SNRNP40: variants seen among roughly 807,000 people sequenced by gnomAD.
SNRNP40 encodes the protein small nuclear ribonucleoprotein U5 subunit 40.
SNRNP40 carries 21 observed loss-of-function variants against 45.8 expected under a neutral mutation model. That is an observed-to-expected ratio of 0.46 (90% CI 0.32 to 0.66). The LOEUF is 0.66. SNRNP40 is among the 30% of genes least tolerant of loss of function. The pLI, the probability that SNRNP40 is intolerant of heterozygous loss-of-function variation, is 0.03. For missense variants in SNRNP40, 344 were observed against 439.1 expected, an observed-to-expected ratio of 0.78 and a Z score of 1.94; for synonymous variants, 142 against 163.8, an observed-to-expected ratio of 0.87 and a Z score of 1.01.
At chr1:31,261,950 A>G (rs1484895593) in intron 8 of SNRNP40, 1 of 209,020 alleles carries the variant, frequency 4.8e-6, no homozygotes, top group Non-Finnish European at 9.7e-6. Flanking sequence ...AACCTTTTTC[A>G]GAGTGTCTAG....
chr1:31,285,190 T>C (rs1646048570), intron 4 of SNRNP40, among the ~76,000 whole-genome samples: 1 of 152,072 alleles, frequency 6.6e-6, no homozygotes, highest in African/African-American at 2.4e-5. Context: ...AAAGAACACT[T>C]TTTTTGGTCT....
At chr1:31,266,604 T>G (rs1374368113) in intron 8 of SNRNP40, among the ~76,000 whole-genome samples, 1 of 152,232 alleles carries the variant, frequency 6.6e-6, no homozygotes, top group Non-Finnish European at 1.5e-5. Flanking sequence ...TGAGCCAGTT[T>G]AGATTCGTAT....
At chr1:31,270,093 G>A (rs1645927265) in intron 6 of SNRNP40, among the ~76,000 whole-genome samples, 1 of 152,076 alleles carries the variant, frequency 6.6e-6, no homozygotes, top group Admixed American at 6.5e-5. Context: ...AGTAGAGATG[G>A]GGTTTCACCA....
intron 5 of SNRNP40, among the ~76,000 whole-genome samples, chr1:31,274,954 T>C (rs1002732236): frequency 2.6e-5 from 4 of 152,140 alleles, no homozygotes; most frequent in African/African-American, 9.7e-5. Flanking sequence ...GAGAAACAAA[T>C]AAAAACCAGG....
chr1:31,269,627 T>C (rs1645923432), intron 6 of SNRNP40: 1 of 353,768 alleles, frequency 2.8e-6, no homozygotes. Flanking sequence ...ACAATGAACT[T>C]ATAAAAGCCA....
Position 31,296,094 on chromosome 1 carries a change from C to T in SNRNP40, c.141+517G>A, listed in dbSNP as rs138370567. 1.3e-3 allele frequency among the ~76,000 whole-genome samples: 198 copies of T among 152,230 alleles called. 1 individual carries two copies. Among genetic ancestry groups the T allele is most frequent in the African/African-American group, 4.6e-3 (192 of 41,528 alleles). On this transcript the variant is annotated intron_variant, in intron 1 of 9. Transcript: ENST00000263694. ...TAATAACGTTCCTAACAGGCTGCTA[C>T]CAAGATCAATGGAAATTTCATATAC...
At chr1:31,274,000 G>T (rs1010952637) in intron 5 of SNRNP40, among the ~76,000 whole-genome samples, 1 of 151,864 alleles carries the variant, frequency 6.6e-6, no homozygotes, top group Non-Finnish European at 1.5e-5. Context: ...AAGTGGAAGG[G>T]TATTTACTAG....
intron 4 of SNRNP40, among the ~76,000 whole-genome samples, chr1:31,285,372 C>G (rs1453167622): frequency 6.6e-6 from 1 of 151,860 alleles, no homozygotes; most frequent in African/African-American, 2.4e-5. Flanking sequence ...TCCTGAGTAG[C>G]TGGTATTACA....
At chr1:31,273,476 T>C (rs913692821) in intron 5 of SNRNP40, among the ~76,000 whole-genome samples, 2 of 151,942 alleles carry the variant, frequency 1.3e-5, no homozygotes, top group Admixed American at 1.3e-4. Flanking sequence ...CCGTCTCTAC[T>C]AAAAATACAA....
intron 6 of SNRNP40, 42 bp downstream of exon 6, chr1:31,271,336 CT>C (rs1183000446): frequency 1.9e-6 from 3 of 1,590,038 alleles, no homozygotes; most frequent in South Asian, 2.3e-5. Flanking sequence ...CAATCTTTGA[CT>C]TTTTCCTTGG....
intron 4 of SNRNP40, among the ~76,000 whole-genome samples, chr1:31,287,953 C>A (rs1646072416): frequency 1.3e-5 from 2 of 151,504 alleles, no homozygotes; most frequent in Admixed American, 1.3e-4. Flanking sequence ...GCTGAGATTG[C>A]GCCACTGCAC....
intron 9 of SNRNP40, 58 bp from the exon 10 acceptor site, chr1:31,260,179 C>A: frequency 7.9e-7 from 1 of 1,271,370 alleles, no homozygotes; most frequent in South Asian, 1.5e-5. Context: ...ACTTGGTGCT[C>A]AAGGGCTCTT....
intron 4 of SNRNP40, among the ~76,000 whole-genome samples, chr1:31,282,873 G>A (rs988564571): frequency 7.2e-5 from 11 of 152,070 alleles, no homozygotes; most frequent in South Asian, 2.1e-4. Flanking sequence ...ACAGGGTTTC[G>A]CCACGTTGAC....
rs1387323861 is a variant in SNRNP40, at chr1:31,296,711, A to G, written c.41T>C (p.Leu14Pro). The stretch of plus-strand genomic sequence containing the variant: ...ATGCCGCTGCCGCTTGACTGGAACC[A>G]GCGGCAACTCTGGGCCCTTACGCTT... ...QQKRKGPELP[L>P]VPVKRQRHEL... Residue 14 changes from leucine (L) to proline (P), a missense_variant, in exon 1 of 10, where the codon CTG (leucine) becomes CCG (proline). Physicochemically the swap from Leu to Pro is moderately conservative, Grantham distance 98. This residue lies in a region of SNRNP40 where 90 missense variants were observed against 58.9 expected (regional missense o/e 1.53). Coordinates refer to ENST00000263694, the MANE Select transcript of SNRNP40 (RefSeq NM_004814.3). 1.9e-6 allele frequency: 3 copies of G among 1,613,654 alleles called. No homozygotes were observed. The highest frequency in any genetic ancestry group is 2.2e-5 in the East Asian group (1 of 44,828).
Position 31,269,154 on chromosome 1 carries a change from T to G in SNRNP40, c.858+4A>C, listed in dbSNP as rs752402223. The G allele has an allele frequency of 6.3e-7, 1 of 1,596,214 alleles. No individual in the cohort carries two copies. The highest frequency in any genetic ancestry group is 8.5e-7 in the Non-Finnish European group (1 of 1,172,728). The stretch of plus-strand genomic sequence containing the variant: ...GTAAAACTCCTCTGCCATGCAGAAC[T>G]CACCTTTTCAAAGTTGTGCACATTT... On this transcript the variant is annotated splice_donor_region_variant and intron_variant, in intron 7 of 9. Coordinates refer to ENST00000263694, the MANE Select transcript of SNRNP40 (RefSeq NM_004814.3).
intron 5 of SNRNP40, among the ~76,000 whole-genome samples, chr1:31,273,291 C>T (rs947352473): frequency 6.6e-6 from 1 of 152,092 alleles, no homozygotes; most frequent in Admixed American, 6.6e-5. Flanking sequence ...TCCAAACTTC[C>T]CCCTTGAGGC....
intron 8 of SNRNP40, among the ~76,000 whole-genome samples, chr1:31,264,918 T>C (rs1434047335): frequency 1.3e-5 from 2 of 152,158 alleles, no homozygotes; most frequent in Non-Finnish European, 2.9e-5. Context: ...GTCTCACTCT[T>C]GATGGCTGCC....
intron 8 of SNRNP40, chr1:31,263,159 AAAT>A (rs1645872147): frequency 6.7e-6 from 1 of 150,254 alleles, no homozygotes; most frequent in African/African-American, 2.4e-5. Flanking sequence ...ATGCTAGAAT[AAAT>A]AAAAAAAAAC....
At chr1:31,290,678 C>T (rs1646098684) in intron 3 of SNRNP40, among the ~76,000 whole-genome samples, 1 of 151,600 alleles carries the variant, frequency 6.6e-6, no homozygotes, top group African/African-American at 2.4e-5. Context: ...GAGATCGAGA[C>T]CATCCTGGCT....
Sources: gnomAD v4.1 joint callset for allele counts (sites outside exome capture counted in the v4.1 genomes callset) on GRCh38, gnomAD v4.1.1 for gene constraint, gnomAD v4.1.1 regional missense constraint, MANE v1.5 for transcripts, NCBI Gene and HGNC (gene_info 2026-07-23, HGNC 2026-07-21) for gene names.